GGT7: variants seen among roughly 807,000 people sequenced by gnomAD.
GGT7 encodes glutathione hydrolase 7.
GGT7 carries 30 observed loss-of-function variants against 69.2 expected under a neutral mutation model. That is an observed-to-expected ratio of 0.43 (90% CI 0.32 to 0.59). The LOEUF is 0.59. GGT7 is among the 20% of genes least tolerant of loss of function. The pLI, the probability that GGT7 is intolerant of heterozygous loss-of-function variation, is 0.05. For synonymous variants in GGT7, 388 were observed against 391.8 expected (o/e 0.99, Z 0.12); for missense variants, 733 against 901.1 (o/e 0.81, Z 2.39).
intron 7 of GGT7, among the ~76,000 whole-genome samples, chr20:34,857,433 G>C (rs1601230656): frequency 6.6e-6 from 1 of 152,172 alleles, no homozygotes; most frequent in East Asian, 1.9e-4. Context: ...ACCCTTATTG[G>C]ACATAACCAA....
intron 1 of GGT7, among the ~76,000 whole-genome samples, chr20:34,869,577 C>A (rs2079747830): frequency 6.6e-6 from 1 of 152,008 alleles, no homozygotes. Context: ...TAGCTAGAAG[C>A]CTATAAATAA....
chr20:34,858,739 C>T (rs2146908847), intron 7 of GGT7, among the ~76,000 whole-genome samples: 1 of 152,284 alleles, frequency 6.6e-6, no homozygotes, highest in African/African-American at 2.4e-5. Flanking sequence ...CCTAGAAAAC[C>T]CAAAAGCAGG....
At chr20:34,851,595 A>G (rs542051381) in intron 12 of GGT7, among the ~76,000 whole-genome samples, 5 of 152,272 alleles carry the variant, frequency 3.3e-5, no homozygotes, top group African/African-American at 9.6e-5. Flanking sequence ...CCACTGAGCT[A>G]TGAGGCTGCT....
In GGT7 at chr20:34,851,252, C is replaced by T; in HGVS notation, c.1704G>A (p.Arg568=). 1.2e-6 allele frequency: 2 copies of T among 1,613,724 alleles called. No individual in the cohort carries two copies. Among genetic ancestry groups the T allele is most frequent in the Middle Eastern group, 1.7e-4 (1 of 6,058 alleles). The change falls in exon 13 of 15, where the codon CGG becomes CGA. Residue 568 remains arginine (R), a synonymous_variant. Coordinates refer to ENST00000336431, the MANE Select transcript of GGT7 (RefSeq NM_178026.3). ...YLALGANGAA[R]GLSGLTQVLL... ...TCACCTGTGTCAGGCCGCTGAGGCC[C>T]CGCGCAGCTCCATTGGCCCCCAGAG...
At chr20:34,856,493 G>A (rs887554295) in intron 8 of GGT7, among the ~76,000 whole-genome samples, 5 of 152,170 alleles carry the variant, frequency 3.3e-5, no homozygotes, top group South Asian at 4.1e-4. Flanking sequence ...CAGTGACAGC[G>A]CTGCTGGGGA....
chr20:34,859,570 C>T lies in GGT7; in HGVS notation c.887G>A (p.Gly296Asp). The change falls in exon 7 of 15, where the codon GGC becomes GAC. Residue 296 changes from glycine to aspartate, a missense_variant. By Grantham distance (94) the Gly-to-Asp change is moderately conservative. Coordinates refer to ENST00000336431, the MANE Select transcript of GGT7 (RefSeq NM_178026.3). ...ERFRETFLPS[G>D]RPPLPGSLLH... ...CAACGAGCCAGGTAGTGGCGGGCGG[C>T]CCGATGGCAGGAACGTCTCCCGGAA... The T allele has an allele frequency of 1.2e-6, 2 of 1,601,498 alleles. No individual in the cohort carries two copies. Among genetic ancestry groups the T allele is most frequent in the Non-Finnish European group, 8.5e-7 (1 of 1,174,590 alleles).
At chr20:34,872,586 CAGA>C (rs1180980842) in intron 1 of GGT7, 58 bp downstream of exon 1, 1 of 1,192,450 alleles carries the variant, frequency 8.4e-7, no homozygotes, top group Non-Finnish European at 1.1e-6. Flanking sequence ...ATGCTTGACA[CAGA>C]AGAAGGAAGA....
At position 34,851,332 on chromosome 20, in the gene GGT7, AAG is replaced by A; in HGVS notation, c.1622_1623del (p.Ser541PhefsTer48). ...NSVQPGKRPL[S>X]FLLPTVVRPA... ...GGTCGGACCACTGTGGGCAGCAGGA[AAG>A]AGAGTGGCCGCTTCCCTGGCTGCAC... On this transcript the variant is annotated frameshift_variant, in exon 13 of 15. Coordinates refer to ENST00000336431, the MANE Select transcript of GGT7 (RefSeq NM_178026.3). LOFTEE classifies it high-confidence loss of function. 6.2e-7 allele frequency: 1 copy of A among 1,613,892 alleles called. No individual in the cohort carries two copies. The highest frequency in any genetic ancestry group is 8.5e-7 in the Non-Finnish European group (1 of 1,179,982).
chr20:34,862,686 G>A, intron 3 of GGT7, 128 bp downstream of exon 3: 2 of 908,808 alleles, frequency 2.2e-6, no homozygotes, highest in Non-Finnish European at 3.6e-6. Context: ...ATTTGGTGTA[G>A]AAAGAGAAAA....
chr20:34,844,994 T>G lies in GGT7; in HGVS notation c.*334A>C. The G allele has an allele frequency of 3.3e-6, 1 of 305,486 alleles. No homozygotes were observed. Among genetic ancestry groups the G allele is most frequent in the Non-Finnish European group, 6.1e-6 (1 of 163,020 alleles). The allele number at this position is 305,486 out of a possible 1,614,324, so 18.9% of individuals were successfully genotyped here. On this transcript the variant is annotated 3_prime_UTR_variant, in exon 15 of 15. Coordinates refer to ENST00000336431, the MANE Select transcript of GGT7 (RefSeq NM_178026.3). Reference sequence around the variant, plus strand: ...GGGTTGTGAGACCCTTGAGAAGGGTTTGCAAGCACATCCCTAAGCTCGGGG... The same window carrying G: ...GGGTTGTGAGACCCTTGAGAAGGGTGTGCAAGCACATCCCTAAGCTCGGGG...
intron 7 of GGT7, 40 bp downstream of exon 7, chr20:34,859,403 C>A (rs1464777557): frequency 6.7e-7 from 1 of 1,494,550 alleles, no homozygotes; most frequent in Non-Finnish European, 9.1e-7. Context: ...GCAATAGGGA[C>A]CTTGGGGCAT....
chr20:34,862,617 T>C (rs2079616963), intron 3 of GGT7, among the ~76,000 whole-genome samples, 197 bp downstream of exon 3: 1 of 151,958 alleles, frequency 6.6e-6, no homozygotes, highest in African/African-American at 2.4e-5. Context: ...GAAAACACTT[T>C]CAGGTTTTCC....
intron 1 of GGT7, among the ~76,000 whole-genome samples, chr20:34,866,058 A>C (rs1056052245): frequency 6.6e-6 from 1 of 152,238 alleles, no homozygotes; most frequent in Non-Finnish European, 1.5e-5. Flanking sequence ...ATGCCAACAT[A>C]ATAAACATCT....
rs777501999 is a variant in GGT7, at chr20:34,845,378, C to T, written c.1939G>A (p.Ala647Thr). 20 of 1,614,038 alleles carry T rather than the reference C, an allele frequency of 1.2e-5. No homozygotes were observed. In the East Asian group the frequency reaches 2.0e-4, roughly 16 times the overall value. ...GSRRTNNFII[A>T]VKDPRSPDAA... ...TCTGGGCTCCGAGGGTCCTTAACAG[C>T]GATGATGAAGTTGTTGGTCCTTCGG... Residue 647 changes from alanine to threonine, a missense_variant, in exon 15 of 15, where the codon GCT becomes ACT. Ala to Thr is a moderately conservative substitution (Grantham distance 58). Coordinates refer to ENST00000336431, the MANE Select transcript of GGT7 (RefSeq NM_178026.3).
At chr20:34,848,876 T>G (rs1424177743) in intron 14 of GGT7, among the ~76,000 whole-genome samples, 1 of 152,204 alleles carries the variant, frequency 6.6e-6, no homozygotes, top group East Asian at 1.9e-4. Context: ...ATTAATACAT[T>G]GTCTGTTATA....
At chr20:34,864,892 G>C (rs561082805) in intron 1 of GGT7, among the ~76,000 whole-genome samples, 28 of 151,800 alleles carry the variant, frequency 1.8e-4, no homozygotes, top group Non-Finnish European at 3.8e-4. Context: ...GCACAATCCT[G>C]GCTCACTGCA....
intron 7 of GGT7, among the ~76,000 whole-genome samples, chr20:34,859,014 T>C (rs747748920): frequency 1.1e-4 from 16 of 151,954 alleles, no homozygotes; most frequent in African/African-American, 1.9e-4. Context: ...CTACTAAAAA[T>C]ACAAAATTAG....
chr20:34,868,798 T>C (rs950519855), intron 1 of GGT7, among the ~76,000 whole-genome samples: 1 of 152,176 alleles, frequency 6.6e-6, no homozygotes, highest in African/African-American at 2.4e-5. Flanking sequence ...GTTGCTAAGT[T>C]GGTAGGATGT....
Position 34,854,379 on chromosome 20 carries a change from G to T in GGT7, c.1319+152C>A, listed in dbSNP as rs925730310. 5 of 606,870 alleles carry T rather than the reference G, an allele frequency of 8.2e-6. No individual in the cohort carries two copies. The Middle Eastern group carries it at 1.3e-3, about 158-fold the overall frequency. The allele number at this position is 606,870 out of a possible 1,614,324, so 37.6% of individuals were successfully genotyped here. On this transcript the variant is annotated intron_variant, in intron 10 of 14. Transcript: ENST00000336431. ...GCTGATAGGAAAGGTGAGGTGCAGG[G>T]AGAGGCACCCAGTGTCACGTTGTGA... is the stretch of plus-strand genomic sequence containing the variant.
Sources: allele counts gnomAD v4.1 joint callset (sites outside exome capture counted in the v4.1 genomes callset), GRCh38; gene constraint gnomAD v4.1.1; transcripts MANE v1.5; gene names NCBI Gene and HGNC (gene_info 2026-07-23, HGNC 2026-07-21).